DSE: variants seen among roughly 807,000 people sequenced by gnomAD.
The protein encoded by DSE is dermatan sulfate epimerase.
A neutral mutation model predicts 84.4 loss-of-function variants in DSE; 36 were observed. That is an observed-to-expected ratio of 0.43 (90% CI 0.33 to 0.56). DSE has a LOEUF of 0.56. Ranked by LOEUF, DSE falls within the 20% of genes least tolerant of loss-of-function variation. DSE has a pLI of 0.06. For synonymous variants in DSE, 410 were observed against 430.1 expected (o/e 0.95, Z 0.58); for missense variants, 862 against 1,169.6 (o/e 0.74, Z 3.84).
intron 2 of DSE, among the ~76,000 whole-genome samples, chr6:116,360,058 CAG>C (rs1276164811): frequency 6.6e-6 from 1 of 152,168 alleles, no homozygotes; most frequent in African/African-American, 2.4e-5. Context: ...ATGTCCTTTG[CAG>C]AGTCATGGAT....
chr6:116,352,974 G>A (rs578003208), intron 2 of DSE, among the ~76,000 whole-genome samples: 18 of 152,210 alleles, frequency 1.2e-4, no homozygotes, highest in African/African-American at 4.3e-4. Flanking sequence ...ACTGTGGAAT[G>A]TGTTTGTCAG....
intron 2 of DSE, among the ~76,000 whole-genome samples, chr6:116,315,448 GGTATACCT>G (rs1775916969): frequency 6.6e-6 from 1 of 151,712 alleles, no homozygotes; most frequent in African/African-American, 2.4e-5. Flanking sequence ...CATTTACTAG[GGTATACCT>G]CTAAAACAGA....
chr6:116,319,607 T>C (rs1003368287), intron 2 of DSE, among the ~76,000 whole-genome samples: 3 of 152,188 alleles, frequency 2.0e-5, no homozygotes, highest in African/African-American at 7.2e-5. Flanking sequence ...GTCATAAAAC[T>C]AATACAATGT....
intron 3 of DSE, 55 bp downstream of exon 3, chr6:116,426,882 A>G (rs1479786198): frequency 1.3e-6 from 2 of 1,562,516 alleles, no homozygotes; most frequent in African/African-American, 2.7e-5. Flanking sequence ...CATAGTTGCC[A>G]TGTTGTGAGC....
chr6:116,391,908 T>C (rs1780934155), intron 1 of DSE, among the ~76,000 whole-genome samples: 1 of 152,156 alleles, frequency 6.6e-6, no homozygotes, highest in South Asian at 2.1e-4. Context: ...ATTTGACATA[T>C]TTAAGAATAA....
intron 2 of DSE, among the ~76,000 whole-genome samples, chr6:116,315,911 A>T (rs1267271228): frequency 6.6e-6 from 1 of 152,080 alleles, no homozygotes; most frequent in Non-Finnish European, 1.5e-5. Flanking sequence ...AATTGCTTGT[A>T]CCCGGGAGGC....
At chr6:116,330,558 A>G (rs1776877012) in intron 2 of DSE, among the ~76,000 whole-genome samples, 1 of 152,238 alleles carries the variant, frequency 6.6e-6, no homozygotes, top group South Asian at 2.1e-4. Context: ...GATTTTGGTA[A>G]TAACTATTTC....
At chr6:116,334,239 G>A (rs1019207394) in intron 2 of DSE, among the ~76,000 whole-genome samples, 3 of 152,134 alleles carry the variant, frequency 2.0e-5, no homozygotes, top group Non-Finnish European at 2.9e-5. Flanking sequence ...CTCAGAGTAG[G>A]CAAGTCCCCA....
Position 116,288,889 on chromosome 6 carries a change from T to C in DSE, c.-54+29922T>C, listed in dbSNP as rs187693402. Among the ~76,000 whole-genome samples, 396 of 152,122 alleles carry C rather than the reference T, an allele frequency of 2.6e-3. 8 individuals are homozygous for C. Among genetic ancestry groups the C allele is most frequent in the Admixed American group, 0.024 (362 of 15,264 alleles). Reference sequence around the variant, plus strand: ...GCAGGCACACATTTTATAAGAGTCTTAAGGGAAAAAAACACCTTTTGAAAT... The same window carrying C: ...GCAGGCACACATTTTATAAGAGTCTCAAGGGAAAAAAACACCTTTTGAAAT... On this transcript the variant is annotated intron_variant, in intron 2 of 3. Coordinates refer to the DSE transcript ENST00000430252.
At chr6:116,275,792 C>G (rs1364646217) in intron 2 of DSE, among the ~76,000 whole-genome samples, 1 of 127,286 alleles carries the variant, frequency 7.9e-6, no homozygotes, top group Non-Finnish European at 1.5e-5. Context: ...GAGTGGGACT[C>G]TATCTCAAAA....
chr6:116,277,490 G>A (rs2114628447), intron 2 of DSE: 1 of 152,464 alleles, frequency 6.6e-6, no homozygotes, highest in South Asian at 2.1e-4. Context: ...TATTCTAGGA[G>A]TTGATAAAAG....
chr6:116,432,035 CTA>C (rs1562310086), intron 4 of DSE, among the ~76,000 whole-genome samples: 1 of 152,112 alleles, frequency 6.6e-6, no homozygotes, highest in African/African-American at 2.4e-5. Flanking sequence ...CATTATTGGA[CTA>C]ATTCAAAAAT....
intron 2 of DSE, among the ~76,000 whole-genome samples, chr6:116,293,306 T>C (rs1035997081): frequency 2.0e-5 from 3 of 150,874 alleles, no homozygotes; most frequent in African/African-American, 7.3e-5. Context: ...GGAGTCTTGC[T>C]CTGTCACCAG....
In DSE at chr6:116,441,659, T is replaced by C. The variant is rs968499911; in HGVS notation, c.*4314T>C. On this transcript the variant is annotated 3_prime_UTR_variant, in exon 6 of 6. Transcript: ENST00000644252. Reference sequence around the variant, plus strand: ...AATGTGGTGATCAGGTTAGGCTTTATTGATGTCTCCACTTCCATTCTCTGT... The same window carrying C: ...AATGTGGTGATCAGGTTAGGCTTTACTGATGTCTCCACTTCCATTCTCTGT... The C allele has an allele frequency of 1.3e-5, 2 of 152,218 alleles. No individual in the cohort carries two copies. Among genetic ancestry groups the C allele is most frequent in the Non-Finnish European group, 2.9e-5 (2 of 68,030 alleles). 9.4% of individuals were successfully genotyped at this position (152,218 alleles called of 1,614,324 possible).
Position 116,436,109 on chromosome 6 carries a change from C to T in DSE, c.1641C>T (p.Pro547=), listed in dbSNP as rs575665330. 3 of 1,612,912 alleles carry T rather than the reference C, an allele frequency of 1.9e-6. No homozygotes were observed. In the African/African-American group the frequency reaches 4.0e-5, roughly 22 times the overall value. ...IRGEGVGAYN[P]QLNLKNVQRN... ...GAGAAGGTGTGGGAGCTTATAACCC[C>T]CAGCTCAACCTGAAGAATGTTCAGA... Residue 547 remains proline, a synonymous_variant, in exon 6 of 6, where the codon CCC becomes CCT. Coordinates refer to ENST00000644252, the MANE Select transcript of DSE (RefSeq NM_013352.4).
At chr6:116,381,800 C>T (rs1780241671) in intron 1 of DSE, among the ~76,000 whole-genome samples, 1 of 152,124 alleles carries the variant, frequency 6.6e-6, no homozygotes, top group Non-Finnish European at 1.5e-5. Context: ...TATTAGTTAT[C>T]TGCTGTAACA....
chr6:116,385,502 T>C (rs1227910859), intron 1 of DSE, among the ~76,000 whole-genome samples: 1 of 149,512 alleles, frequency 6.7e-6, no homozygotes, highest in Non-Finnish European at 1.5e-5. Context: ...AGTTTGGATA[T>C]GGAGAGTGAA....
At chr6:116,350,843 A>G (rs1045053898) in intron 2 of DSE, among the ~76,000 whole-genome samples, 1 of 152,014 alleles carries the variant, frequency 6.6e-6, no homozygotes, top group African/African-American at 2.4e-5. Flanking sequence ...GGTCTTTTCC[A>G]TGCCTTTAGA....
At chr6:116,418,779 G>C (rs957643179) in intron 2 of DSE, among the ~76,000 whole-genome samples, 2 of 152,112 alleles carry the variant, frequency 1.3e-5, no homozygotes, top group East Asian at 3.9e-4. Flanking sequence ...AACCATTCTA[G>C]ATTCAGATAA....
Sources: allele counts gnomAD v4.1 joint callset (sites outside exome capture counted in the v4.1 genomes callset), GRCh38; gene constraint gnomAD v4.1.1; transcripts MANE v1.5; gene names NCBI Gene and HGNC (gene_info 2026-07-23, HGNC 2026-07-21).